The following LRRC56 variants were observed in gnomAD, a reference collection of about 807,000 sequenced individuals.
LRRC56 encodes leucine rich repeat containing 56.
Under a neutral mutation model 47.8 loss-of-function variants are expected in LRRC56, and 41 were observed. The ratio of observed to expected loss-of-function variants is 0.86; its 90% confidence interval spans 0.67 to 1.11. The LOEUF (loss-of-function observed/expected upper bound fraction) is 1.11. LRRC56 is among the 50% of genes most tolerant of loss of function. The pLI is 0.00. For synonymous variants in LRRC56, 387 were observed against 311.2 expected (o/e 1.24, Z -2.56); for missense variants, 759 against 704.2 (o/e 1.08, Z -0.88).
At chr11:516,883 T>A in the LRRC56 span, among the ~76,000 whole-genome samples, 4 of 152,354 alleles carry the variant, frequency 2.6e-5, no homozygotes, top group African/African-American at 9.6e-5. Flanking sequence ...TCGGTCTCCC[T>A]CTGTTGCCGA....
At position 552,661 on chromosome 11, in the gene LRRC56, C is replaced by T. The variant is rs762691656; in HGVS notation, c.1274C>T (p.Ala425Val). 3.1e-6 allele frequency: 5 copies of T among 1,611,442 alleles called. No individual in the cohort carries two copies. The Middle Eastern group carries it at 5.0e-4, about 161-fold the overall frequency. ...RRVPEEQVHQ[A>V]EPKTPSSPPS... ...GTCCCTGAAGAGCAAGTGCACCAGG[C>T]AGAGCCCAAGACTCCCTCCAGCCCC... Residue 425 changes from alanine to valine, a missense_variant, in exon 13 of 14, where the codon GCA becomes GTA. Coordinates refer to ENST00000270115, the MANE Select transcript of LRRC56 (RefSeq NM_198075.4).
upstream of LRRC56, chr11:533,990 G>A (rs2133992417): frequency 1.3e-6 from 2 of 1,591,414 alleles, no homozygotes; most frequent in Non-Finnish European, 1.7e-6. Context: ...CCTTCCGTGG[G>A]GGGAGTTCAC....
chr11:548,451 T>TTTTGTTTGTTTGTTTG (rs56130745), intron 6 of LRRC56, among the ~76,000 whole-genome samples: 32 of 150,842 alleles, frequency 2.1e-4, no homozygotes, highest in South Asian at 1.9e-3. Flanking sequence ...CAGCCTCAAG[T>TTTTGTTTGTTTGTTTG]TTTGTTTGTT....
intron 6 of LRRC56, 113 bp downstream of exon 6, chr11:544,893 C>G: frequency 9.3e-7 from 1 of 1,080,586 alleles, no homozygotes; most frequent in Admixed American, 1.9e-5. Context: ...GGGCTGGGAC[C>G]AGGGACCCAG....
At chr11:509,353 C>T in the LRRC56 span, among the ~76,000 whole-genome samples, 2 of 152,218 alleles carry the variant, frequency 1.3e-5, no homozygotes, top group South Asian at 4.1e-4. Context: ...TTGCCATGAT[C>T]TCTTAGATTT....
chr11:551,315 CGCCCGGAGGACCCACTGCTGA>C lies in LRRC56; in HGVS notation c.796+18_796+38del. 6.7e-7 allele frequency: 1 copy of C among 1,491,968 alleles called. No individual in the cohort carries two copies. The highest frequency in any genetic ancestry group is 9.0e-7 in the Non-Finnish European group (1 of 1,109,242). 92.4% of individuals were successfully genotyped at this position (1,491,968 alleles called of 1,614,324 possible). A position where few individuals can be genotyped will look rare whatever the true frequency, so the allele number is the denominator to read the frequency against. ...CTTCCCCCGCTGGGTACGGCAGCTG[CGCCCGGAGGACCCACTGCTGA>C]GCCCCAGCTCCCCCCAGGAAGAGGC... is the stretch of plus-strand genomic sequence containing the variant. On this transcript the variant is annotated intron_variant, in intron 9 of 13. Transcript: ENST00000270115.
chr11:549,355 G>C (rs1852256404), intron 6 of LRRC56, among the ~76,000 whole-genome samples: 1 of 152,102 alleles, frequency 6.6e-6, no homozygotes, highest in African/African-American at 2.4e-5. Flanking sequence ...AGTCACTGTG[G>C]CTACAGTGGG....
chr11:537,827 C>T (rs1851596668), intron 1 of LRRC56, among the ~76,000 whole-genome samples: 1 of 152,194 alleles, frequency 6.6e-6, no homozygotes, highest in Admixed American at 6.5e-5. Context: ...ACAGGAGGGG[C>T]CCCAAGCCCT....
In LRRC56 at chr11:541,006, C is replaced by A; in HGVS notation, c.177+145C>A. The A allele has an allele frequency of 1.4e-6, 1 of 708,860 alleles. No homozygotes were observed. The highest frequency in any genetic ancestry group is 2.3e-6 in the Non-Finnish European group (1 of 441,472). The allele number at this position is 708,860 out of a possible 1,614,324, so 43.9% of individuals were successfully genotyped here. On this transcript the variant is annotated intron_variant, in intron 4 of 13. Coordinates refer to ENST00000270115, the MANE Select transcript of LRRC56 (RefSeq NM_198075.4). This position sits in a 1 kb window ranked among gnomAD's most constrained non-coding sequence, Gnocchi z 4.1. ...ATGGTTGGCCTCAGCCCAGCCCCTG[C>A]AGCTGGGTCTGCTCCACCCACTCTG...
intron 6 of LRRC56, among the ~76,000 whole-genome samples, chr11:546,515 C>T (rs1170079175): frequency 6.6e-6 from 1 of 151,898 alleles, no homozygotes; most frequent in African/African-American, 2.4e-5. Flanking sequence ...TTGCAGTGAG[C>T]CAAGATCGCA....
chr11:548,359 T>C (rs1252806443), intron 6 of LRRC56, among the ~76,000 whole-genome samples: 2 of 152,014 alleles, frequency 1.3e-5, no homozygotes, highest in African/African-American at 4.8e-5. Context: ...TGGCTTACAA[T>C]AGCCTCGACC....
In LRRC56 at chr11:554,098, G is replaced by T; in HGVS notation, c.1451G>T (p.Ser484Ile). 4 of 1,607,450 alleles carry T rather than the reference G, an allele frequency of 2.5e-6. No homozygotes were observed. Among genetic ancestry groups the T allele is most frequent in the Non-Finnish European group, 3.4e-6 (4 of 1,178,548 alleles). ...SRGRRLRVLG[S>I]WGPGLGDGVA... ...GGGCGTCGGCTCCGAGTCCTGGGCA[G>T]CTGGGGGCCTGGCCTGGGTGATGGG... Residue 484 changes from serine to isoleucine, a missense_variant, in exon 14 of 14, where the codon AGC (serine) becomes ATC (isoleucine). Coordinates refer to ENST00000270115, the MANE Select transcript of LRRC56 (RefSeq NM_198075.4).
At chr11:537,672 A>AACCTGCGCCGAGGCGTG (rs1851587179) in intron 1 of LRRC56, 67 bp downstream of exon 1, 1 of 152,192 alleles carries the variant, frequency 6.6e-6, no homozygotes, top group African/African-American at 2.4e-5. Flanking sequence ...GCCAGGAGGG[A>AACCTGCGCCGAGGCGTG]ACCTGCGCCG....
intron 5 of LRRC56, among the ~76,000 whole-genome samples, chr11:543,391 T>C (rs999023078): frequency 6.6e-6 from 1 of 151,098 alleles, no homozygotes; most frequent in Non-Finnish European, 1.5e-5. Flanking sequence ...ATTTTTGTAT[T>C]TTTAGTACAG....
chr11:512,723 T>G, the LRRC56 span, among the ~76,000 whole-genome samples: 1 of 152,244 alleles, frequency 6.6e-6, no homozygotes, highest in African/African-American at 2.4e-5. Flanking sequence ...TCTGACTTCC[T>G]TTTCTCAATA....
At chr11:537,049 G>C (rs1432170445), upstream of LRRC56, 1 of 152,258 alleles carries the variant, frequency 6.6e-6, no homozygotes, top group Non-Finnish European at 1.5e-5. Flanking sequence ...CCTGGTCCTC[G>C]GGGGCGCTTC....
At chr11:551,394 A>G in intron 9 of LRRC56, 92 bp downstream of exon 9, 2 of 920,152 alleles carry the variant, frequency 2.2e-6, no homozygotes, top group Admixed American at 5.5e-5. Context: ...ACGGATAGCC[A>G]CATCTCATGC....
At chr11:532,122 C>T in the LRRC56 span, 2 of 232,268 alleles carry the variant, frequency 8.6e-6, no homozygotes, top group East Asian at 1.3e-4. Context: ...TGACCGGCCT[C>T]TCCCAACCTC....
At chr11:543,947 AC>A (rs1425600710) in intron 5 of LRRC56, among the ~76,000 whole-genome samples, 1 of 151,924 alleles carries the variant, frequency 6.6e-6, no homozygotes, top group Non-Finnish European at 1.5e-5. Flanking sequence ...ACGGGGTTTC[AC>A]CGTGTTAACC....
Sources: gnomAD v4.1 joint callset for allele counts (sites outside exome capture counted in the v4.1 genomes callset) on GRCh38, gnomAD v4.1.1 for gene constraint, Gnocchi (gnomAD v3.1) non-coding constraint, MANE v1.5 for transcripts, NCBI Gene and HGNC (gene_info 2026-07-23, HGNC 2026-07-21) for gene names.